Variants in HMGCLL1 observed in about 807,000 individuals in gnomAD.
HMGCLL1 encodes 3-hydroxy-3-methylglutaryl-CoA lyase like 1.
HMGCLL1 carries 36 observed loss-of-function variants against 39.1 expected under a neutral mutation model. The ratio of observed to expected loss-of-function variants is 0.92; its 90% CI spans 0.71 to 1.22. HMGCLL1 has a LOEUF of 1.22. Among genes scored for constraint, HMGCLL1 ranks in the 50% most tolerant of loss-of-function variants. The probability of loss-of-function intolerance (pLI) is 0.00; values close to 1 mark genes in which losing one functional copy is unlikely to be tolerated. For synonymous variants in HMGCLL1, 149 were observed against 144.0 expected (o/e 1.03, Z -0.25); for missense variants, 451 against 416.5 (o/e 1.08, Z -0.72).
chr6:55,563,906 C>CAAA, intron 1 of HMGCLL1: 1 of 1,287,490 alleles, frequency 7.8e-7, no homozygotes, highest in South Asian at 1.2e-5. Context: ...GCATCACAGA[C>CAAA]TGAAGCTCCT....
chr6:55,566,267 A>G (rs1771206606), intron 1 of HMGCLL1, among the ~76,000 whole-genome samples: 1 of 152,180 alleles, frequency 6.6e-6, no homozygotes, highest in Admixed American at 6.6e-5. Context: ...TGTCTGACAG[A>G]CATGTTCTCT....
chr6:55,451,021 C>T (rs1764057007), intron 7 of HMGCLL1, among the ~76,000 whole-genome samples: 1 of 152,108 alleles, frequency 6.6e-6, no homozygotes, highest in South Asian at 2.1e-4. Flanking sequence ...CTCCCTAACA[C>T]TTGCTTCTTT....
the HMGCLL1 span, among the ~76,000 whole-genome samples, chr6:55,623,198 A>G: frequency 6.6e-6 from 1 of 151,798 alleles, no homozygotes; most frequent in Admixed American, 6.6e-5. Context: ...TCCCAAAAAA[A>G]CTTTTAATTT....
chr6:55,632,718 G>A, the HMGCLL1 span, among the ~76,000 whole-genome samples: 1 of 151,944 alleles, frequency 6.6e-6, no homozygotes, highest in African/African-American at 2.4e-5. Flanking sequence ...TATCATAATG[G>A]ATTTGAGCTC....
intron 5 of HMGCLL1, among the ~76,000 whole-genome samples, chr6:55,506,466 T>C (rs1767168347): frequency 6.6e-6 from 1 of 151,728 alleles, no homozygotes; most frequent in South Asian, 2.1e-4. Flanking sequence ...TTTTACTTTC[T>C]GCAGTCTTAG....
the HMGCLL1 span, among the ~76,000 whole-genome samples, chr6:55,595,930 C>T: frequency 6.6e-6 from 1 of 152,044 alleles, no homozygotes; most frequent in African/African-American, 2.4e-5. Flanking sequence ...AATTTTGGAG[C>T]CTTTGTGAAT....
chr6:55,609,312 A>G, the HMGCLL1 span, among the ~76,000 whole-genome samples: 1 of 152,050 alleles, frequency 6.6e-6, no homozygotes, highest in Non-Finnish European at 1.5e-5. Flanking sequence ...AGCAGCCATC[A>G]CTGTATCTCA....
At chr6:55,564,172 G>A (rs533178648) in intron 1 of HMGCLL1, among the ~76,000 whole-genome samples, 1 of 152,104 alleles carries the variant, frequency 6.6e-6, no homozygotes, top group South Asian at 2.1e-4. Context: ...GGGGTTGTGG[G>A]TATGAGGACA....
At chr6:55,481,785 C>T (rs1377381381) in intron 7 of HMGCLL1, among the ~76,000 whole-genome samples, 1 of 149,928 alleles carries the variant, frequency 6.7e-6, no homozygotes, top group Non-Finnish European at 1.5e-5. Flanking sequence ...AGCAATCAAT[C>T]TTATCTATCT....
chr6:55,525,681 C>T (rs781240527), intron 3 of HMGCLL1, among the ~76,000 whole-genome samples: 21 of 151,810 alleles, frequency 1.4e-4, no homozygotes, highest in African/African-American at 1.2e-4. Context: ...TGATCTGGGA[C>T]GACTTTTAAA....
intron 3 of HMGCLL1, among the ~76,000 whole-genome samples, chr6:55,526,445 T>C (rs1768325899): frequency 6.6e-6 from 1 of 152,060 alleles, no homozygotes; most frequent in Admixed American, 6.6e-5. Context: ...TTTTGTATAA[T>C]TTTTGATTCA....
the HMGCLL1 span, among the ~76,000 whole-genome samples, chr6:55,661,067 G>A: frequency 1.3e-5 from 2 of 151,566 alleles, no homozygotes; most frequent in Non-Finnish European, 3.0e-5. Context: ...GGGGTTGTTT[G>A]TTTTTTCTTG....
the HMGCLL1 span, among the ~76,000 whole-genome samples, chr6:55,637,543 G>C: frequency 1.3e-5 from 2 of 152,172 alleles, no homozygotes; most frequent in East Asian, 3.9e-4. Flanking sequence ...TTAGGGCCTG[G>C]TGTATAAGCT....
the HMGCLL1 span, among the ~76,000 whole-genome samples, chr6:55,590,739 G>C: frequency 6.6e-6 from 1 of 151,768 alleles, no homozygotes; most frequent in African/African-American, 2.4e-5. Context: ...ATAAATATAA[G>C]CACATAAATT....
At chr6:55,614,895 C>T in the HMGCLL1 span, among the ~76,000 whole-genome samples, 2 of 151,992 alleles carry the variant, frequency 1.3e-5, no homozygotes, top group African/African-American at 4.8e-5. Context: ...AGCCTCATAG[C>T]ACTTTGGGAG....
At chr6:55,678,105 A>G in the HMGCLL1 span, among the ~76,000 whole-genome samples, 1 of 152,316 alleles carries the variant, frequency 6.6e-6, no homozygotes, top group African/African-American at 2.4e-5. Context: ...GCTACCATGT[A>G]TGAAAAATTA....
At chr6:55,448,645 T>G (rs531693381) in intron 7 of HMGCLL1, among the ~76,000 whole-genome samples, 60 of 152,272 alleles carry the variant, frequency 3.9e-4, no homozygotes, top group South Asian at 6.2e-4. Context: ...TAGATGATTC[T>G]TCTCAGAATC....
intron 7 of HMGCLL1, among the ~76,000 whole-genome samples, chr6:55,456,515 T>A (rs1003386116): frequency 6.6e-6 from 1 of 152,180 alleles, no homozygotes; most frequent in African/African-American, 2.4e-5. Context: ...CCGTCACGTC[T>A]TTGCTCTTCA....
chr6:55,569,138 G>T (rs1771349582), intron 1 of HMGCLL1, among the ~76,000 whole-genome samples: 1 of 152,170 alleles, frequency 6.6e-6, no homozygotes, highest in Admixed American at 6.6e-5. Flanking sequence ...TGGAAACCAA[G>T]TTGTTTTTCC....
Sources: gnomAD v4.1 joint callset for allele counts (sites outside exome capture counted in the v4.1 genomes callset) on GRCh38, gnomAD v4.1.1 for gene constraint, MANE v1.5 for transcripts, NCBI Gene and HGNC (gene_info 2026-07-23, HGNC 2026-07-21) for gene names.